MAPK8: variants seen among roughly 807,000 people sequenced by gnomAD.
MAPK8 encodes mitogen-activated protein kinase 8, also known as JUN N-terminal kinase.
MAPK8 carries 13 observed loss-of-function variants against 52.9 expected under a neutral mutation model. The observed-to-expected ratio is 0.25, with a 90% CI of 0.16 to 0.39. The LOEUF (loss-of-function observed/expected upper bound fraction) is 0.39, where lower values mean the gene tolerates loss of function less well. Among genes scored for constraint, MAPK8 ranks in the 10% least tolerant of loss-of-function variants. The pLI, the probability that MAPK8 is intolerant of heterozygous loss-of-function variation, is 1.00. For missense variants in MAPK8, 300 were observed against 519.2 expected (o/e 0.58, Z 4.10); for synonymous variants, 191 against 169.8 (o/e 1.12, Z -0.97).
At chr10:48,431,924 A>G (rs769970399) in intron 11 of MAPK8, among the ~76,000 whole-genome samples, 24 of 152,216 alleles carry the variant, frequency 1.6e-4, no homozygotes, top group Non-Finnish European at 2.6e-4. Flanking sequence ...TTCAGCCCCT[A>G]AGATCCTAAG....
At chr10:48,423,254 G>C (rs1371601601) in intron 6 of MAPK8, among the ~76,000 whole-genome samples, 2 of 152,168 alleles carry the variant, frequency 1.3e-5, no homozygotes, top group African/African-American at 2.4e-5. Flanking sequence ...AGTTGGCAAG[G>C]GTCATCAGTA....
chr10:48,421,957 A>G (rs2043383746), intron 6 of MAPK8, among the ~76,000 whole-genome samples: 1 of 152,090 alleles, frequency 6.6e-6, no homozygotes, highest in Admixed American at 6.5e-5. Flanking sequence ...GCAAGGTTAA[A>G]CATAAGTACT....
At chr10:48,348,422 T>G (rs1564513869) in intron 1 of MAPK8, among the ~76,000 whole-genome samples, 1 of 152,254 alleles carries the variant, frequency 6.6e-6, no homozygotes, top group Non-Finnish European at 1.5e-5. Flanking sequence ...TTGGTTTTTG[T>G]TGCCATTGCT....
chr10:48,408,439 A>G (rs2042580435), intron 3 of MAPK8, among the ~76,000 whole-genome samples: 1 of 152,250 alleles, frequency 6.6e-6, no homozygotes, highest in South Asian at 2.1e-4. Flanking sequence ...AATGACAAGC[A>G]TAGGGAATAG....
At chr10:48,341,742 A>G (rs925604713) in intron 1 of MAPK8, among the ~76,000 whole-genome samples, 13 of 152,228 alleles carry the variant, frequency 8.5e-5, no homozygotes, top group African/African-American at 2.7e-4. Context: ...AGTACAATGA[A>G]AGAGAAGAAC....
intron 1 of MAPK8, among the ~76,000 whole-genome samples, chr10:48,351,724 CAA>C (rs1367803683): frequency 6.6e-6 from 1 of 152,072 alleles, no homozygotes; most frequent in Non-Finnish European, 1.5e-5. Flanking sequence ...AAAGAAGACA[CAA>C]ATCATCAGGA....
chr10:48,418,364 C>T (rs1039563997), intron 5 of MAPK8, among the ~76,000 whole-genome samples: 3 of 152,148 alleles, frequency 2.0e-5, no homozygotes, highest in Non-Finnish European at 4.4e-5. Context: ...CAGATAAACC[C>T]TTAATTCTCA....
At chr10:48,424,773 C>G (rs963621428) in intron 7 of MAPK8, among the ~76,000 whole-genome samples, 1 of 151,880 alleles carries the variant, frequency 6.6e-6, no homozygotes, top group Non-Finnish European at 1.5e-5. Flanking sequence ...AATTCTGAAC[C>G]CTGCTCAATT....
chr10:48,315,376 T>TA (rs1201510735), intron 1 of MAPK8, among the ~76,000 whole-genome samples: 4 of 152,198 alleles, frequency 2.6e-5, no homozygotes, highest in African/African-American at 9.6e-5. Context: ...AACCTTTTCT[T>TA]ACATCCTTTT....
In MAPK8 at chr10:48,436,428, G is replaced by A. The variant is rs755135892; in HGVS notation, c.*1399G>A. 7 of 152,140 alleles carry A rather than the reference G, an allele frequency of 4.6e-5. No homozygotes were observed. In the South Asian group the frequency reaches 6.2e-4, roughly 14 times the overall value. The allele number at this position is 152,140 out of a possible 1,614,324, so 9.4% of individuals were successfully genotyped here. A position where few individuals can be genotyped will look rare whatever the true frequency, so the allele number is the denominator to read the frequency against. On this transcript the variant is annotated 3_prime_UTR_variant, in exon 12 of 12. Coordinates refer to ENST00000374189, the MANE Select transcript of MAPK8 (RefSeq NM_001323329.2). ...CTAAGTAAAATGTCTTTGAAGTCTC[G>A]TTATTTCTGAAATACGTTGTCTGTA...
intron 1 of MAPK8, among the ~76,000 whole-genome samples, chr10:48,311,831 G>A (rs1323283487): frequency 6.6e-6 from 1 of 152,160 alleles, no homozygotes; most frequent in Non-Finnish European, 1.5e-5. Context: ...TAAATTTCTT[G>A]TTCCTTCTCA....
intron 1 of MAPK8, among the ~76,000 whole-genome samples, chr10:48,370,619 T>G (rs1812979089): frequency 6.6e-6 from 1 of 152,118 alleles, no homozygotes; most frequent in African/African-American, 2.4e-5. Flanking sequence ...GGTCCTAAAA[T>G]GAGGGTAACA....
intron 5 of MAPK8, among the ~76,000 whole-genome samples, chr10:48,417,572 G>A (rs1268872870): frequency 3.9e-5 from 6 of 152,146 alleles, no homozygotes; most frequent in Admixed American, 2.0e-4. Flanking sequence ...CCATATTCAG[G>A]TTTCAGCATC....
At chr10:48,307,218 G>C (rs1841452551) in intron 1 of MAPK8, 1 of 152,312 alleles carries the variant, frequency 6.6e-6, no homozygotes, top group African/African-American at 2.4e-5. Flanking sequence ...CCGCGCCCTG[G>C]CTGCCTCCGG....
At position 48,342,418 on chromosome 10, in the gene MAPK8, T is replaced by C. The variant is rs1054617595; in HGVS notation, c.-50+35597T>C. Among the ~76,000 whole-genome samples, 151 of 152,292 alleles carry C rather than the reference T, an allele frequency of 9.9e-4. 2 individuals are homozygous for C. The highest frequency in any genetic ancestry group is 2.9e-4 in the Non-Finnish European group (20 of 68,028). ...CCACACCTGGCCATAATTTTATTTT[T>C]TATAAAAAAAAATTTTACAATAAAA... On this transcript the variant is annotated intron_variant, in intron 1 of 11. Transcript: ENST00000374189.
intron 1 of MAPK8, among the ~76,000 whole-genome samples, chr10:48,377,622 A>G (rs1411524971): frequency 6.6e-6 from 1 of 152,260 alleles, no homozygotes; most frequent in Non-Finnish European, 1.5e-5. Context: ...GAGAAGAGAT[A>G]CGTTATTGCC....
chr10:48,374,774 A>G (rs140540119), intron 1 of MAPK8, among the ~76,000 whole-genome samples: 1,585 of 152,280 alleles, frequency 0.01, 36 homozygotes, highest in African/African-American at 0.034. Flanking sequence ...AAAGCCCAGG[A>G]CCAGATGGAT....
chr10:48,338,829 A>G (rs1170540560), intron 1 of MAPK8, among the ~76,000 whole-genome samples: 1 of 152,038 alleles, frequency 6.6e-6, no homozygotes, highest in Non-Finnish European at 1.5e-5. Flanking sequence ...ATAGACACAC[A>G]CAAACACACA....
intron 5 of MAPK8, among the ~76,000 whole-genome samples, chr10:48,416,650 G>T (rs188427641): frequency 6.6e-6 from 1 of 152,310 alleles, no homozygotes; most frequent in East Asian, 1.9e-4. Flanking sequence ...GGAGTGGTCA[G>T]ACAGGGCCAG....
Sources: allele counts gnomAD v4.1 joint callset (sites outside exome capture counted in the v4.1 genomes callset), GRCh38; gene constraint gnomAD v4.1.1; transcripts MANE v1.5; gene names NCBI Gene and HGNC (gene_info 2026-07-23, HGNC 2026-07-21).